The following SAMMSON variants were observed in gnomAD, a reference collection of about 807,000 sequenced individuals.
SAMMSON encodes survival associated mitochondrial melanoma specific oncogenic non-coding RNA, also known as long intergenic non-protein coding RNA 1212.
At chr3:70,290,148 G>GT (rs1702217525) in intron 6 of SAMMSON, among the ~76,000 whole-genome samples, 5 of 151,980 alleles carry the variant, frequency 3.3e-5, no homozygotes, top group Admixed American at 3.3e-4. Context: ...GCTTTTTAGA[G>GT]TTTCCAGTTT....
chr3:70,369,552 A>T (rs1702948975), intron 9 of SAMMSON, among the ~76,000 whole-genome samples: 1 of 150,658 alleles, frequency 6.6e-6, no homozygotes, highest in Admixed American at 6.6e-5. Flanking sequence ...ACTACCTAGG[A>T]CTTCATCTAT....
chr3:70,063,312 G>C (rs941457802), intron 3 of SAMMSON, among the ~76,000 whole-genome samples: 1 of 152,118 alleles, frequency 6.6e-6, no homozygotes, highest in African/African-American at 2.4e-5. Context: ...CTGCAACTTT[G>C]TGAATATTTT....
At chr3:70,311,174 C>T (rs1702450519) in intron 7 of SAMMSON, among the ~76,000 whole-genome samples, 1 of 152,098 alleles carries the variant, frequency 6.6e-6, no homozygotes, top group African/African-American at 2.4e-5. Flanking sequence ...TGTCCTTTTA[C>T]AATATAATAG....
At chr3:70,216,093 CA>C (rs1279066909) in intron 4 of SAMMSON, among the ~76,000 whole-genome samples, 3 of 151,626 alleles carry the variant, frequency 2.0e-5, no homozygotes, top group African/African-American at 7.3e-5. Context: ...ATTTGTTTCA[CA>C]AAAATGTAAA....
At chr3:70,100,217 G>A (rs551030688) in intron 4 of SAMMSON, among the ~76,000 whole-genome samples, 3 of 152,052 alleles carry the variant, frequency 2.0e-5, no homozygotes, top group Non-Finnish European at 4.4e-5. Flanking sequence ...CACCATCACA[G>A]CTCACTGCAG....
At chr3:70,239,399 A>T (rs1454956978) in intron 4 of SAMMSON, among the ~76,000 whole-genome samples, 2 of 152,168 alleles carry the variant, frequency 1.3e-5, no homozygotes, top group African/African-American at 2.4e-5. Flanking sequence ...ACCATTCAGG[A>T]TGTTATGCAA....
chr3:70,086,237 CA>C (rs1460784915), intron 4 of SAMMSON, among the ~76,000 whole-genome samples: 2 of 152,150 alleles, frequency 1.3e-5, no homozygotes, highest in East Asian at 3.9e-4. Flanking sequence ...CTCACATCAC[CA>C]GGGAGTTATA....
At chr3:70,431,970 C>G (rs1204222209) in intron 2 of SAMMSON, among the ~76,000 whole-genome samples, 2 of 151,900 alleles carry the variant, frequency 1.3e-5, no homozygotes, top group Non-Finnish European at 2.9e-5. Context: ...TATTTATTAA[C>G]AAATTGAGCA....
intron 4 of SAMMSON, among the ~76,000 whole-genome samples, chr3:70,134,645 T>C (rs1281055018): frequency 6.6e-6 from 1 of 152,182 alleles, no homozygotes; most frequent in Non-Finnish European, 1.5e-5. Context: ...TTACAGTATA[T>C]AATTTAATCT....
intron 4 of SAMMSON, chr3:70,126,694 G>T: frequency 3.8e-6 from 1 of 260,132 alleles, no homozygotes; most frequent in Non-Finnish European, 7.3e-6. Context: ...TAAGAAGTTA[G>T]GTTTTGTTTT....
At chr3:70,135,513 C>G (rs749293869) in intron 4 of SAMMSON, among the ~76,000 whole-genome samples, 5 of 151,832 alleles carry the variant, frequency 3.3e-5, no homozygotes, top group Non-Finnish European at 7.4e-5. Flanking sequence ...TAATGCAAGC[C>G]GGAAAAAAAC....
chr3:70,044,551 A>G (rs2107587372), intron 3 of SAMMSON, among the ~76,000 whole-genome samples: 1 of 152,156 alleles, frequency 6.6e-6, no homozygotes, highest in Middle Eastern at 3.4e-3. Flanking sequence ...AAAAATCATT[A>G]AATCAACTTT....
chr3:70,425,343 C>A (rs537524149), intron 2 of SAMMSON, among the ~76,000 whole-genome samples: 23 of 152,172 alleles, frequency 1.5e-4, no homozygotes, highest in African/African-American at 5.3e-4. Context: ...TCAAATTTTG[C>A]AAATATCCTC....
intron 6 of SAMMSON, among the ~76,000 whole-genome samples, chr3:70,285,472 G>C (rs1413982010): frequency 6.6e-6 from 1 of 151,902 alleles, no homozygotes; most frequent in East Asian, 1.9e-4. Flanking sequence ...GGACATTTGG[G>C]TTGGTTCCAA....
chr3:70,338,903 TTA>T (rs1352534905), intron 7 of SAMMSON, among the ~76,000 whole-genome samples: 1 of 152,090 alleles, frequency 6.6e-6, no homozygotes, highest in Non-Finnish European at 1.5e-5. Context: ...AAAAACTACT[TTA>T]AAGTTCACAT....
intron 7 of SAMMSON, among the ~76,000 whole-genome samples, chr3:70,350,273 G>GT (rs1702784689): frequency 1.3e-5 from 2 of 152,144 alleles, no homozygotes; most frequent in Admixed American, 6.5e-5. Context: ...CCAAAGCTAC[G>GT]TTTTCTGGCT....
chr3:70,168,823 G>C (rs549231050), intron 4 of SAMMSON, among the ~76,000 whole-genome samples: 3 of 151,908 alleles, frequency 2.0e-5, no homozygotes, highest in African/African-American at 7.3e-5. Flanking sequence ...TCTAAAGGGG[G>C]TTATTGGTTA....
intron 4 of SAMMSON, among the ~76,000 whole-genome samples, chr3:70,239,922 T>TTGTG (rs746909047): frequency 6.6e-6 from 1 of 151,380 alleles, no homozygotes; most frequent in Non-Finnish European, 1.5e-5. Context: ...AAATATTACT[T>TTGTG]TGTGTGTGTG....
chr3:70,192,848 A>G (rs781222628), intron 4 of SAMMSON, among the ~76,000 whole-genome samples: 4 of 152,180 alleles, frequency 2.6e-5, no homozygotes, highest in East Asian at 3.9e-4. Flanking sequence ...GACAGTTTCT[A>G]AAGGTGAATT....
Sources: gnomAD v4.1 joint callset for allele counts (sites outside exome capture counted in the v4.1 genomes callset) on GRCh38, gnomAD v4.1.1 for gene constraint, MANE v1.5 for transcripts, NCBI Gene and HGNC (gene_info 2026-07-23, HGNC 2026-07-21) for gene names.